The following CTNNA2 variants were observed in gnomAD, a reference collection of about 807,000 sequenced individuals.
CTNNA2 encodes catenin alpha 2.
CTNNA2 carries 42 observed loss-of-function variants against 101.0 expected under a neutral mutation model. The ratio of observed to expected loss-of-function variants is 0.42; its 90% CI spans 0.32 to 0.54. The LOEUF is 0.54. Among genes scored for constraint, CTNNA2 ranks in the 20% least tolerant of loss-of-function variants. The pLI is 0.14. For synonymous variants in CTNNA2, 450 were observed against 456.4 expected, an observed-to-expected ratio of 0.99 and a Z score of 0.18; for missense variants, 871 against 1,223.1, an observed-to-expected ratio of 0.71 and a Z score of 4.29.
At chr2:79,688,224 G>A (rs1432657071) in intron 2 of CTNNA2, among the ~76,000 whole-genome samples, 1 of 152,016 alleles carries the variant, frequency 6.6e-6, no homozygotes, top group African/African-American at 2.4e-5. Context: ...TTCAAGAAAT[G>A]TGGGCTTAAG....
intron 7 of CTNNA2, among the ~76,000 whole-genome samples, chr2:80,209,565 A>T (rs930792640): frequency 1.3e-5 from 2 of 152,052 alleles, no homozygotes; most frequent in Admixed American, 6.6e-5. Flanking sequence ...TCTCTTATGA[A>T]CATTTTTGTC....
At chr2:79,657,999 G>A (rs1681739674) in intron 2 of CTNNA2, among the ~76,000 whole-genome samples, 1 of 151,656 alleles carries the variant, frequency 6.6e-6, no homozygotes, top group Non-Finnish European at 1.5e-5. Context: ...ATGAAAATGA[G>A]GTTAGGTTGC....
chr2:80,436,719 G>A (rs1235783362), intron 9 of CTNNA2, among the ~76,000 whole-genome samples: 3 of 152,090 alleles, frequency 2.0e-5, no homozygotes, highest in African/African-American at 7.2e-5. Context: ...CTTCAAAGAT[G>A]GAGGCTTCTT....
At chr2:80,505,468 T>G (rs1376227640) in intron 9 of CTNNA2, among the ~76,000 whole-genome samples, 1 of 152,224 alleles carries the variant, frequency 6.6e-6, no homozygotes, top group Non-Finnish European at 1.5e-5. Context: ...CCTCTTAACG[T>G]ATGTGTGCCA....
At chr2:79,853,895 C>T (rs922773878) in intron 3 of CTNNA2, among the ~76,000 whole-genome samples, 23 of 151,784 alleles carry the variant, frequency 1.5e-4, no homozygotes, top group African/African-American at 4.6e-4. Flanking sequence ...CTTGAACTCC[C>T]GACCTCAGGT....
intron 3 of CTNNA2, chr2:79,339,980 A>G (rs1290753803): frequency 6.6e-6 from 1 of 152,190 alleles, no homozygotes; most frequent in African/African-American, 2.4e-5. Context: ...GGCTTGCTTT[A>G]TGCTGCTCCG....
intron 7 of CTNNA2, among the ~76,000 whole-genome samples, chr2:80,055,040 T>G (rs1301758063): frequency 2.0e-5 from 3 of 152,086 alleles, no homozygotes; most frequent in African/African-American, 7.2e-5. Flanking sequence ...TTGTTGTTAT[T>G]TTTCGAGACA....
chr2:80,201,644 G>A (rs1361640031), intron 7 of CTNNA2, among the ~76,000 whole-genome samples: 5 of 152,028 alleles, frequency 3.3e-5, no homozygotes, highest in African/African-American at 1.2e-4. Context: ...CAAAGTGCTG[G>A]GATTACAGGC....
At chr2:79,343,720 GACGATT>G (rs1335544572) in intron 3 of CTNNA2, among the ~76,000 whole-genome samples, 33 of 79,048 alleles carry the variant, frequency 4.2e-4, no homozygotes, top group African/African-American at 1.6e-3. Context: ...TGAAGACACG[GACGATT>G]ATTATTATTA....
At chr2:79,720,786 T>C (rs762684674) in intron 2 of CTNNA2, among the ~76,000 whole-genome samples, 79 of 152,196 alleles carry the variant, frequency 5.2e-4, no homozygotes, top group Middle Eastern at 3.4e-3. Flanking sequence ...CACAGAGTCT[T>C]TAGGGTTTTC....
At chr2:80,541,691 T>C (rs1314023545) in intron 9 of CTNNA2, among the ~76,000 whole-genome samples, 2 of 151,874 alleles carry the variant, frequency 1.3e-5, no homozygotes, top group East Asian at 1.9e-4. Context: ...TGGGGAGCTA[T>C]GCTGTGACTG....
intron 4 of CTNNA2, among the ~76,000 whole-genome samples, chr2:79,473,934 A>G (rs571303871): frequency 2.0e-5 from 3 of 152,278 alleles, no homozygotes; most frequent in Admixed American, 6.5e-5. Context: ...TGTGCCACCA[A>G]TAAGACTAGC....
At chr2:79,644,825 CTT>C (rs1214427594) in intron 1 of CTNNA2, among the ~76,000 whole-genome samples, 3 of 152,124 alleles carry the variant, frequency 2.0e-5, no homozygotes, top group Non-Finnish European at 2.9e-5. Context: ...GCTGGCTCCT[CTT>C]TTTTTCATTT....
chr2:79,876,202 G>C (rs1424619837), intron 6 of CTNNA2, among the ~76,000 whole-genome samples: 1 of 152,062 alleles, frequency 6.6e-6, no homozygotes, highest in Admixed American at 6.5e-5. Context: ...TGACAGAGGA[G>C]TGATAAAGGA....
intron 7 of CTNNA2, among the ~76,000 whole-genome samples, chr2:80,170,515 C>T (rs1262657515): frequency 1.3e-5 from 2 of 152,140 alleles, no homozygotes; most frequent in South Asian, 2.1e-4. Flanking sequence ...TGAGGCAGGA[C>T]TGACTCCAGT....
chr2:79,341,545 A>G (rs1677137747), intron 3 of CTNNA2, among the ~76,000 whole-genome samples: 1 of 152,202 alleles, frequency 6.6e-6, no homozygotes, highest in African/African-American at 2.4e-5. Flanking sequence ...ATTTCCACAC[A>G]TCTTTGGAGC....
intron 3 of CTNNA2, among the ~76,000 whole-genome samples, chr2:79,842,117 A>G (rs963167612): frequency 1.3e-5 from 2 of 152,234 alleles, no homozygotes; most frequent in Non-Finnish European, 2.9e-5. Context: ...GTTTTCAAAA[A>G]TAAAGCCACA....
At chr2:79,584,599 G>T (rs905256939) in intron 1 of CTNNA2, among the ~76,000 whole-genome samples, 1 of 149,704 alleles carries the variant, frequency 6.7e-6, no homozygotes, top group Non-Finnish European at 1.5e-5. Flanking sequence ...ATTTCAGCTC[G>T]CTGTAATCTC....
At chr2:80,004,672 C>CATTCATTT (rs1445550220) in intron 7 of CTNNA2, among the ~76,000 whole-genome samples, 2 of 145,562 alleles carry the variant, frequency 1.4e-5, no homozygotes, top group Non-Finnish European at 3.0e-5. Context: ...TTTTATTTTA[C>CATTCATTT]ATTTATTTAT....
Sources: gnomAD v4.1 joint callset for allele counts (sites outside exome capture counted in the v4.1 genomes callset) on GRCh38, gnomAD v4.1.1 for gene constraint, MANE v1.5 for transcripts, NCBI Gene and HGNC (gene_info 2026-07-23, HGNC 2026-07-21) for gene names.